MACROD2: variants seen among roughly 807,000 people sequenced by gnomAD.
MACROD2 encodes ADP-ribose glycohydrolase MACROD2.
In MACROD2, 36 loss-of-function variants were observed where a neutral mutation model predicts 70.4. The ratio of observed to expected loss-of-function variants is 0.51; its 90% CI spans 0.39 to 0.68. The LOEUF (loss-of-function observed/expected upper bound fraction) is 0.68. Ranked by LOEUF, MACROD2 falls within the 30% of genes least tolerant of loss-of-function variation. The pLI is 0.00. For missense variants in MACROD2, 496 were observed against 538.4 expected (o/e 0.92, Z 0.78); for synonymous variants, 172 against 178.8 (o/e 0.96, Z 0.30).
At chr20:15,661,936 T>C (rs73105610) in intron 8 of MACROD2, among the ~76,000 whole-genome samples, 14,242 of 152,246 alleles carry the variant, frequency 0.094, 895 homozygotes, top group South Asian at 0.19. Context: ...CCCTTTACGA[T>C]CTGGTCCTTA....
At chr20:14,059,111 A>G (rs2053664158) in intron 2 of MACROD2, among the ~76,000 whole-genome samples, 2 of 152,194 alleles carry the variant, frequency 1.3e-5, no homozygotes, top group African/African-American at 4.8e-5. Context: ...TATTTTTTGA[A>G]TTAACACTAT....
At chr20:14,094,898 C>G (rs2054201109) in intron 3 of MACROD2, among the ~76,000 whole-genome samples, 1 of 152,042 alleles carries the variant, frequency 6.6e-6, no homozygotes, top group Non-Finnish European at 1.5e-5. Flanking sequence ...TTTTCTGTCC[C>G]CCACCGTTTT....
chr20:15,233,003 C>G (rs2076972368), intron 6 of MACROD2, among the ~76,000 whole-genome samples: 1 of 151,882 alleles, frequency 6.6e-6, no homozygotes, highest in Admixed American at 6.6e-5. Context: ...AAGAGAGGAT[C>G]TAGTGGTTGT....
chr20:15,029,634 C>A (rs1040540345), intron 5 of MACROD2, among the ~76,000 whole-genome samples: 1 of 152,154 alleles, frequency 6.6e-6, no homozygotes, highest in Non-Finnish European at 1.5e-5. Flanking sequence ...AAGCACAAAC[C>A]ATCACCCTCT....
At chr20:15,453,310 C>T (rs556306509) in intron 7 of MACROD2, among the ~76,000 whole-genome samples, 149 of 152,230 alleles carry the variant, frequency 9.8e-4, no homozygotes, top group Non-Finnish European at 1.8e-3. Context: ...TCATGGATTT[C>T]TCATTTTAAC....
intron 4 of MACROD2, among the ~76,000 whole-genome samples, chr20:14,682,100 C>T (rs1019446412): frequency 6.6e-6 from 1 of 152,014 alleles, no homozygotes; most frequent in African/African-American, 2.4e-5. Context: ...CTGGGATAAC[C>T]ATGAAAATTT....
In MACROD2 at chr20:14,322,515, C is replaced by T. The variant is rs961145582; in HGVS notation, c.272-170964C>T. On this transcript the variant is annotated intron_variant, in intron 3 of 17. Transcript: ENST00000684519. ...GAACTATAGCTTAAACTACTCAAAA[C>T]TTCTAGAAGCAAAGTCAAACTTCCT... Among the ~76,000 whole-genome samples the T allele has an allele frequency of 2.0e-5, 3 of 150,428 alleles. No homozygotes were observed. In the Admixed American group the frequency reaches 2.0e-4, roughly 10 times the overall value.
Position 16,035,157 on chromosome 20 carries a change from TAATATAAAATATAAA to T in MACROD2, c.1154-6042_1154-6028del, listed in dbSNP as rs2067214261. 3.5e-5 allele frequency among the ~76,000 whole-genome samples: 3 copies of T among 84,890 alleles called. 1 individual carries two copies. The highest frequency in any genetic ancestry group is 3.2e-4 in the East Asian group (1 of 3,114). The allele number at this position is 84,890 out of a possible 152,430, so 55.7% of individuals were successfully genotyped here. On this transcript the variant is annotated intron_variant, in intron 15 of 17. Coordinates refer to ENST00000684519, the MANE Select transcript of MACROD2 (RefSeq NM_001351661.2). The stretch of plus-strand genomic sequence containing the variant: ...TATATTATATATTATATATAAAATA[TAATATAAAATATAAA>T]ATATTATATATTATATATAAAATAT...
chr20:14,745,263 A>G (rs994433158), intron 5 of MACROD2, among the ~76,000 whole-genome samples: 3 of 152,200 alleles, frequency 2.0e-5, no homozygotes, highest in African/African-American at 7.2e-5. Flanking sequence ...ATATTTTTGT[A>G]AAGTATTTTA....
chr20:15,463,673 C>T (rs542801161), intron 7 of MACROD2, among the ~76,000 whole-genome samples: 4 of 152,024 alleles, frequency 2.6e-5, no homozygotes, highest in African/African-American at 2.4e-5. Flanking sequence ...CATGTGAACC[C>T]GGGAGGCAGA....
rs6110520 is a variant in MACROD2, at chr20:15,114,188, C to T, written c.419-115752C>T. On this transcript the variant is annotated intron_variant, in intron 5 of 17. Coordinates refer to ENST00000684519, the MANE Select transcript of MACROD2 (RefSeq NM_001351661.2). Reference sequence around the variant, plus strand: ...CTGCATCAGACCTCTGTCTCATTTTCATGATGAACATCAATGTGGTAGACA... The same window carrying T: ...CTGCATCAGACCTCTGTCTCATTTTTATGATGAACATCAATGTGGTAGACA... Among the ~76,000 whole-genome samples the T allele has an allele frequency of 4.5e-3, 688 of 152,290 alleles. 9 individuals carry two copies. Among genetic ancestry groups the T allele is most frequent in the South Asian group, 0.017 (83 of 4,824 alleles).
At chr20:15,671,291 A>G (rs1171993439) in intron 8 of MACROD2, among the ~76,000 whole-genome samples, 1 of 152,196 alleles carries the variant, frequency 6.6e-6, no homozygotes, top group East Asian at 1.9e-4. Flanking sequence ...TTTTACTTTC[A>G]TCACGTTTGC....
intron 8 of MACROD2, among the ~76,000 whole-genome samples, chr20:15,696,337 G>A (rs1038500535): frequency 1.3e-5 from 2 of 152,166 alleles, no homozygotes; most frequent in Admixed American, 6.6e-5. Flanking sequence ...TTTATGTGGT[G>A]TATCTCATTT....
At chr20:14,664,307 G>T (rs2070712799) in intron 4 of MACROD2, among the ~76,000 whole-genome samples, 1 of 151,996 alleles carries the variant, frequency 6.6e-6, no homozygotes, top group Admixed American at 6.6e-5. Context: ...ATATTTCCAA[G>T]ACCCACGTTT....
intron 8 of MACROD2, among the ~76,000 whole-genome samples, chr20:15,500,063 C>A (rs941091642): frequency 1.3e-5 from 2 of 152,186 alleles, no homozygotes; most frequent in Admixed American, 1.3e-4. Context: ...GTGAAGTGAC[C>A]AGATTCATTT....
chr20:14,585,356 AC>A lies in MACROD2; in HGVS notation c.301+91852del, dbSNP rs142999866. 7.1e-3 allele frequency among the ~76,000 whole-genome samples: 1,075 copies of A among 152,120 alleles called. 16 individuals carry two copies. The highest frequency in any genetic ancestry group is 0.024 in the African/African-American group (1,008 of 41,522). ...CTGATCACACTGTGCTACCAACATA[AC>A]CCCATTTCCGAAGAGTTAAAATTAA... On this transcript the variant is annotated intron_variant, in intron 4 of 17. Transcript: ENST00000684519.
intron 3 of MACROD2, among the ~76,000 whole-genome samples, chr20:14,169,400 G>A (rs1284938968): frequency 6.6e-6 from 1 of 152,138 alleles, no homozygotes; most frequent in Non-Finnish European, 1.5e-5. Context: ...CGCCTACTGT[G>A]TTCAAGCGAT....
chr20:15,809,970 C>G (rs527670409), intron 8 of MACROD2, among the ~76,000 whole-genome samples: 4 of 149,940 alleles, frequency 2.7e-5, no homozygotes, highest in African/African-American at 7.4e-5. Context: ...CCCATTAACT[C>G]GTCATTTAGC....
intron 8 of MACROD2, among the ~76,000 whole-genome samples, chr20:15,510,975 C>T (rs2047491495): frequency 6.6e-6 from 1 of 152,192 alleles, no homozygotes; most frequent in Admixed American, 6.5e-5. Context: ...ATTAACTAAA[C>T]TTGTGTTGAA....
Sources: gnomAD v4.1 joint callset for allele counts (sites outside exome capture counted in the v4.1 genomes callset) on GRCh38, gnomAD v4.1.1 for gene constraint, MANE v1.5 for transcripts, NCBI Gene and HGNC (gene_info 2026-07-23, HGNC 2026-07-21) for gene names.